Variants in CDC5L observed in about 807,000 individuals in gnomAD.
The protein encoded by CDC5L is cell division cycle 5 like, also known as cell division cycle 5-like protein.
In CDC5L, 18 loss-of-function variants were observed where a neutral mutation model predicts 104.1. That is an observed-to-expected ratio of 0.17 (90% CI 0.12 to 0.26). The LOEUF is 0.26. Among genes scored for constraint, CDC5L ranks in the 10% least tolerant of loss-of-function variants. The probability of loss-of-function intolerance (pLI) is 1.00; values close to 1 mark genes in which losing one functional copy is unlikely to be tolerated. For synonymous variants in CDC5L, 331 were observed against 322.7 expected (o/e 1.03, Z -0.28); for missense variants, 673 against 956.9 (o/e 0.70, Z 3.91).
intron 8 of CDC5L, among the ~76,000 whole-genome samples, chr6:44,413,491 A>G (rs1015023458): frequency 1.3e-5 from 2 of 152,200 alleles, no homozygotes; most frequent in Admixed American, 6.5e-5. Context: ...TTACTCTTGC[A>G]TAGATACCTA....
chr6:44,414,278 A>G (rs1468878825), intron 8 of CDC5L, among the ~76,000 whole-genome samples: 2 of 151,224 alleles, frequency 1.3e-5, no homozygotes, highest in Non-Finnish European at 2.9e-5. Context: ...GGATCTCACT[A>G]TGTTGTCCAG....
Position 44,424,460 on chromosome 6 carries a change from C to T in CDC5L, c.1446C>T (p.Gly482=). ...AACATCTCCGTTTAGGGTTGTTGGG[C>T]CTTCCTGCCCCTAAGAATGATTTTG... The part of the protein sequence containing the change: ...SREHLRLGLL[G]LPAPKNDFEI... Residue 482 remains glycine (G), a synonymous_variant, in exon 11 of 16, where the codon GGC becomes GGT. Transcript: ENST00000371477. 1.2e-6 allele frequency: 2 copies of T among 1,613,846 alleles called. No individual in the cohort carries two copies. The highest frequency in any genetic ancestry group is 1.7e-6 in the Non-Finnish European group (2 of 1,179,868).
Position 44,408,523 on chromosome 6 carries a change from G to A in CDC5L, c.983G>A (p.Gly328Asp), listed in dbSNP as rs756763383. The A allele has an allele frequency of 1.5e-5, 24 of 1,613,778 alleles. No individual in the cohort carries two copies. Among genetic ancestry groups the A allele is most frequent in the Non-Finnish European group, 1.9e-5 (23 of 1,179,836 alleles). Reference sequence around the variant, plus strand: ...GCACGTCAAACTGCCGAGGAATCTGGCATAACAAATTCTGCTTCCAGTACA... The same window carrying A: ...GCACGTCAAACTGCCGAGGAATCTGACATAACAAATTCTGCTTCCAGTACA... ...EIARQTAEES[G>D]ITNSASSTLL... Residue 328 changes from glycine (G) to aspartate (D), a missense_variant, in exon 8 of 16, where the codon GGC becomes GAC. By Grantham distance (94) the Gly-to-Asp change is moderately conservative. Around this residue, in one of 4 missense-constraint regions of CDC5L, gnomAD observed 578 missense variants for 737.0 expected, o/e 0.78. Coordinates refer to ENST00000371477, the MANE Select transcript of CDC5L (RefSeq NM_001253.4).
chr6:44,435,080 G>GT (rs1554161385), intron 14 of CDC5L, among the ~76,000 whole-genome samples: 1 of 67,040 alleles, frequency 1.5e-5, no homozygotes, highest in Non-Finnish European at 3.0e-5. Context: ...TATGCACCCC[G>GT]CCCCCCCTGC....
chr6:44,398,639 A>G (rs987043968), intron 5 of CDC5L, among the ~76,000 whole-genome samples: 3 of 152,158 alleles, frequency 2.0e-5, no homozygotes, highest in Non-Finnish European at 4.4e-5. Context: ...TCCTTCTAGT[A>G]TTGTTAATGT....
chr6:44,392,139 G>A (rs1790652137), intron 2 of CDC5L, among the ~76,000 whole-genome samples: 1 of 152,186 alleles, frequency 6.6e-6, no homozygotes, highest in African/African-American at 2.4e-5. Context: ...TAGACTGGAT[G>A]GAAAAGGTGG....
At chr6:44,440,242 C>CTTT (rs770556481) in intron 14 of CDC5L, among the ~76,000 whole-genome samples, 1 of 138,892 alleles carries the variant, frequency 7.2e-6, no homozygotes, top group Non-Finnish European at 1.6e-5. Context: ...TTGACTTAGA[C>CTTT]TTTTTTTTTT....
At chr6:44,434,333 G>T (rs1320814878) in intron 14 of CDC5L, among the ~76,000 whole-genome samples, 1 of 152,128 alleles carries the variant, frequency 6.6e-6, no homozygotes, top group Non-Finnish European at 1.5e-5. Flanking sequence ...TGCTTTTCAG[G>T]GATGCAATCT....
intron 14 of CDC5L, among the ~76,000 whole-genome samples, chr6:44,442,666 C>T (rs1793258797): frequency 6.6e-6 from 1 of 151,984 alleles, no homozygotes; most frequent in Non-Finnish European, 1.5e-5. Context: ...CAAATTGTTG[C>T]ACTTCAGTTG....
Position 44,387,740 on chromosome 6 carries a change from C to A in CDC5L, c.-84C>A, listed in dbSNP as rs1238611553. The A allele has an allele frequency of 7.3e-6, 9 of 1,234,774 alleles. No homozygotes were observed. In the South Asian group the frequency reaches 9.0e-5, roughly 12 times the overall value. 76.5% of individuals were successfully genotyped at this position (1,234,774 alleles called of 1,614,324 possible). On this transcript the variant is annotated 5_prime_UTR_variant, in exon 1 of 16. Coordinates refer to ENST00000371477, the MANE Select transcript of CDC5L (RefSeq NM_001253.4). ...AGAAGGTCGCGCTTGGAGGAAGTGG[C>A]GGCTTTGAGTCCGGTGGCCCAATCG...
At position 44,424,570 on chromosome 6, in the gene CDC5L, A is replaced by G; in HGVS notation, c.1556A>G (p.Asp519Gly). 2 of 1,613,882 alleles carry G rather than the reference A, an allele frequency of 1.2e-6. No individual in the cohort carries two copies. The highest frequency in any genetic ancestry group is 2.2e-5 in the South Asian group (2 of 91,070). The change falls in exon 11 of 16, where the codon GAT becomes GGT. Residue 519 changes from aspartate to glycine, a missense_variant. Around this residue, in one of 4 missense-constraint regions of CDC5L, gnomAD observed 578 missense variants for 737.0 expected, o/e 0.78. Transcript: ENST00000371477. ...DTYIEDAADV[D>G]ARKQAIRDAE... is the part of the protein sequence containing the mutation. The stretch of plus-strand genomic sequence containing the variant: ...TACATTGAAGATGCTGCTGATGTGG[A>G]TGCTCGAAAGCAGGTGGGTAACTGT...
At chr6:44,399,745 C>A (rs1791034193) in intron 5 of CDC5L, among the ~76,000 whole-genome samples, 1 of 152,144 alleles carries the variant, frequency 6.6e-6, no homozygotes, top group Non-Finnish European at 1.5e-5. Context: ...GCTCCACCTC[C>A]CGGGTTCACG....
chr6:44,388,671 GCTT>G lies in CDC5L; in HGVS notation c.45+807_45+809del, dbSNP rs1258180690. Among the ~76,000 whole-genome samples the G allele has an allele frequency of 2.0e-5, 3 of 146,550 alleles. No homozygotes were observed. In the South Asian group the frequency reaches 6.4e-4, roughly 31 times the overall value. ...TGTCTTTTTTTCGTTACATTTTATGGCTTCTTTTTTTTTTTTTTTTTACATCTT... is the reference window on the plus strand; with the variant it reads ...TGTCTTTTTTTCGTTACATTTTATGGCTTTTTTTTTTTTTTTTTACATCTT... On this transcript the variant is annotated intron_variant, in intron 1 of 15. Transcript: ENST00000371477.
intron 8 of CDC5L, among the ~76,000 whole-genome samples, chr6:44,409,725 C>T (rs539798569): frequency 2.6e-5 from 4 of 152,174 alleles, no homozygotes; most frequent in South Asian, 2.1e-4. Flanking sequence ...TTAGAACTTC[C>T]GAATGTTCTT....
chr6:44,391,317 C>T (rs983691367), intron 2 of CDC5L, among the ~76,000 whole-genome samples: 6 of 151,822 alleles, frequency 4.0e-5, no homozygotes, highest in African/African-American at 1.5e-4. Context: ...GGCGTGATCT[C>T]AGCTCACTGC....
At chr6:44,440,500 T>C (rs1793134182) in intron 14 of CDC5L, among the ~76,000 whole-genome samples, 1 of 151,980 alleles carries the variant, frequency 6.6e-6, no homozygotes, top group African/African-American at 2.4e-5. Flanking sequence ...ACCGTGGCCT[T>C]CCAAAGTGCT....
intron 2 of CDC5L, among the ~76,000 whole-genome samples, chr6:44,392,233 G>C (rs940792680): frequency 6.6e-6 from 1 of 152,172 alleles, no homozygotes; most frequent in Non-Finnish European, 1.5e-5. Flanking sequence ...AAAGGTTACG[G>C]TGAATTTAGT....
At chr6:44,426,987 C>T (rs1028741456) in intron 13 of CDC5L, among the ~76,000 whole-genome samples, 1 of 152,164 alleles carries the variant, frequency 6.6e-6, no homozygotes, top group African/African-American at 2.4e-5. Flanking sequence ...GCTTCGTTGA[C>T]AGTTGTTACA....
At chr6:44,408,206 G>A (rs1354357351) in intron 7 of CDC5L, among the ~76,000 whole-genome samples, 3 of 151,294 alleles carry the variant, frequency 2.0e-5, no homozygotes, top group Admixed American at 2.0e-4. Flanking sequence ...CACAGCTTCA[G>A]CAATTCATTT....
Sources: allele counts gnomAD v4.1 joint callset (sites outside exome capture counted in the v4.1 genomes callset), GRCh38; gene constraint gnomAD v4.1.1; regional missense constraint gnomAD v4.1.1; transcripts MANE v1.5; gene names NCBI Gene and HGNC (gene_info 2026-07-23, HGNC 2026-07-21).